The following CHRNG variants were observed in gnomAD, a reference collection of about 807,000 sequenced individuals.
CHRNG encodes the protein acetylcholine receptor subunit gamma.
Under a neutral mutation model 65.2 loss-of-function variants are expected in CHRNG, and 72 were observed. The ratio of observed to expected loss-of-function variants is 1.10; its 90% CI spans 0.91 to 1.34. The LOEUF is 1.34. Ranked by LOEUF, CHRNG falls within the 40% of genes most tolerant of loss-of-function variation. The pLI is 0.00. For synonymous variants in CHRNG, 284 were observed against 290.2 expected, an observed-to-expected ratio of 0.98 and a Z score of 0.22; for missense variants, 637 against 680.1, an observed-to-expected ratio of 0.94 and a Z score of 0.70.
At chr2:232,543,506 C>A in intron 8 of CHRNG, 79 bp from the exon 9 acceptor site, 2 of 1,103,926 alleles carry the variant, frequency 1.8e-6, no homozygotes, top group Non-Finnish European at 1.3e-6. Flanking sequence ...ATTCAGGAGG[C>A]CTGAGGGGGG....
At chr2:232,542,748 C>G in intron 6 of CHRNG, 134 bp from the exon 7 acceptor site, 1 of 791,862 alleles carries the variant, frequency 1.3e-6, no homozygotes, top group Non-Finnish European at 2.1e-6. Flanking sequence ...CACCCCACTT[C>G]TGTCCCTCAA....
Position 232,542,501 on chromosome 2 carries a change from T to C in CHRNG, c.585T>C (p.Ile195=). The change falls in exon 6 of 12, where the codon ATT becomes ATC. Residue 195 remains isoleucine, a synonymous_variant. Coordinates refer to ENST00000651502, the MANE Select transcript of CHRNG (RefSeq NM_005199.5). ...GCCAGACCATCGAGTGGATTTTCAT[T>C]GACCCTGAGGCCTTCACAGGTAACC... The part of the protein sequence containing the change: ...EDGQTIEWIF[I]DPEAFTENGE... The C allele has an allele frequency of 1.2e-6, 2 of 1,613,348 alleles. No individual in the cohort carries two copies. Among genetic ancestry groups the C allele is most frequent in the Non-Finnish European group, 1.7e-6 (2 of 1,179,356 alleles).
chr2:232,541,697 G>C lies in CHRNG; in HGVS notation c.506+168G>C. 1.3e-6 allele frequency: 1 copy of C among 780,892 alleles called. No individual in the cohort carries two copies. The highest frequency in any genetic ancestry group is 2.1e-6 in the Non-Finnish European group (1 of 471,550). 48.4% of individuals were successfully genotyped at this position (780,892 alleles called of 1,614,324 possible). ...CCATCTCAGGCTAAGACACCTGAAG[G>C]TGCCCAAGCTCTCCCTGCTAAGCCC... On this transcript the variant is annotated intron_variant, in intron 5 of 11. Transcript: ENST00000651502. This position sits in a 1 kb window ranked among gnomAD's most constrained non-coding sequence, Gnocchi z 4.0.
chr2:232,543,033 T>G lies in CHRNG; in HGVS notation c.756T>G (p.Cys252Trp). The change falls in exon 7 of 12, where the codon TGT (cysteine) becomes TGG (tryptophan). Residue 252 changes from cysteine to tryptophan, a missense_variant. By Grantham distance (215) the Cys-to-Trp change is radical. Transcript: ENST00000651502. ...ACGTCATCAACATCATCGCCCCCTGTGTGCTCATCTCCTCTGTCGCCATCC... is the reference window on the plus strand; with the variant it reads ...ACGTCATCAACATCATCGCCCCCTGGGTGCTCATCTCCTCTGTCGCCATCC... ...LFYVINIIAP[C>W]VLISSVAILI... is the part of the protein sequence containing the mutation. 1 of 1,614,246 alleles carries G rather than the reference T, an allele frequency of 6.2e-7. No homozygotes were observed. Among genetic ancestry groups the G allele is most frequent in the Non-Finnish European group, 8.5e-7 (1 of 1,180,042 alleles).
In CHRNG at chr2:232,540,434, C is replaced by T. The variant is rs773141326; in HGVS notation, c.240+9C>T. The T allele has an allele frequency of 4.3e-6, 7 of 1,613,562 alleles. No homozygotes were observed. In the Admixed American group the frequency reaches 1.2e-4, roughly 27 times the overall value. On this transcript the variant is annotated intron_variant, in intron 3 of 11. Coordinates refer to ENST00000651502, the MANE Select transcript of CHRNG (RefSeq NM_005199.5). This position sits in a 1 kb window ranked among gnomAD's most constrained non-coding sequence, Gnocchi z 4.2. Reference sequence around the variant, plus strand: ...ATGTCTGGATAGAGATGGTAAGAGGCCACCCTGCCACCCTCCTTCCATCAG... The same window carrying T: ...ATGTCTGGATAGAGATGGTAAGAGGTCACCCTGCCACCCTCCTTCCATCAG...
chr2:232,543,486 C>CT (rs909199985), intron 8 of CHRNG, 97 bp downstream of exon 8: 2 of 1,182,716 alleles, frequency 1.7e-6, no homozygotes, highest in Non-Finnish European at 2.4e-6. Flanking sequence ...ATCCACCCCC[C>CT]CCATCCTCAA....
chr2:232,540,568 G>C lies in CHRNG; in HGVS notation c.241-34G>C, dbSNP rs1441568511. On this transcript the variant is annotated intron_variant, in intron 3 of 11. Coordinates refer to ENST00000651502, the MANE Select transcript of CHRNG (RefSeq NM_005199.5). This position sits in a 1 kb window ranked among gnomAD's most constrained non-coding sequence, Gnocchi z 4.2. Reference sequence around the variant, plus strand: ...CTCCTAGGGCTGTGGTGCAGCAGAGGGCAGAGGCCTAGCAACTGCCCCTCC... The same window carrying C: ...CTCCTAGGGCTGTGGTGCAGCAGAGCGCAGAGGCCTAGCAACTGCCCCTCC... 1.2e-6 allele frequency: 2 copies of C among 1,605,708 alleles called. No homozygotes were observed. Among genetic ancestry groups the C allele is most frequent in the Non-Finnish European group, 1.7e-6 (2 of 1,177,586 alleles).
chr2:232,540,649 C>CCTGTGGGTG lies in CHRNG; in HGVS notation c.292_300dup (p.Trp98_Leu100dup), dbSNP rs1404744271. ...GCTGGGATCCGCGAGACTACGAAGG[C>CCTGTGGGTG]CTGTGGGTGCTGAGGGTGCCGTCCA... On this transcript the variant is annotated inframe_insertion, in exon 4 of 12. Coordinates refer to ENST00000651502, the MANE Select transcript of CHRNG (RefSeq NM_005199.5). The surrounding 1 kb of genome is among the most constrained non-coding windows in gnomAD (Gnocchi z 4.2). The CCTGTGGGTG allele has an allele frequency of 6.2e-6, 10 of 1,613,032 alleles. No individual in the cohort carries two copies. The highest frequency in any genetic ancestry group is 1.3e-5 in the African/African-American group (1 of 74,908).
In CHRNG at chr2:232,542,409, T is replaced by C. The variant is rs764059549; in HGVS notation, c.507-14T>C. The C allele has an allele frequency of 1.9e-6, 3 of 1,597,552 alleles. No individual in the cohort carries two copies. The highest frequency in any genetic ancestry group is 3.3e-5 in the Admixed American group (2 of 59,776). On this transcript the variant is annotated splice_polypyrimidine_tract_variant and intron_variant, in intron 5 of 11. Transcript: ENST00000651502. Reference sequence around the variant, plus strand: ...ACCCGCTCACATTTAGCCTCTTTCCTCGGTGACTCCCAGGTCCCAGACTTA... The same window carrying C: ...ACCCGCTCACATTTAGCCTCTTTCCCCGGTGACTCCCAGGTCCCAGACTTA...
Position 232,540,595 on chromosome 2 carries a change from C to G in CHRNG, c.241-7C>G. Reference sequence around the variant, plus strand: ...CAGAGGCCTAGCAACTGCCCCTCCCCCTGCAGCAGTGGTGCGACTATCGCC... The same window carrying G: ...CAGAGGCCTAGCAACTGCCCCTCCCGCTGCAGCAGTGGTGCGACTATCGCC... On this transcript the variant is annotated splice_polypyrimidine_tract_variant and splice_region_variant and intron_variant, in intron 3 of 11. Transcript: ENST00000651502. This position sits in a 1 kb window ranked among gnomAD's most constrained non-coding sequence, Gnocchi z 4.2. The G allele has an allele frequency of 6.2e-7, 1 of 1,610,540 alleles. No homozygotes were observed. Among genetic ancestry groups the G allele is most frequent in the Middle Eastern group, 1.7e-4 (1 of 6,016 alleles).
chr2:232,545,524 A>C lies in CHRNG; in HGVS notation c.1381-19A>C. The stretch of plus-strand genomic sequence containing the variant: ...CTGGTGCCGCCGCTGGTTATCCCAC[A>C]CCTGCCTCCCACCCTCAGGGGAATG... On this transcript the variant is annotated intron_variant, in intron 11 of 11. Coordinates refer to ENST00000651502, the MANE Select transcript of CHRNG (RefSeq NM_005199.5). The C allele has an allele frequency of 6.2e-7, 1 of 1,612,146 alleles. No homozygotes were observed. Among genetic ancestry groups the C allele is most frequent in the Non-Finnish European group, 8.5e-7 (1 of 1,179,434 alleles).
intron 8 of CHRNG, 92 bp downstream of exon 8, chr2:232,543,481 C>CCCCA: frequency 2.0e-6 from 2 of 984,920 alleles, no homozygotes; most frequent in South Asian, 2.9e-5. Flanking sequence ...CCTCCATCCA[C>CCCCA]CCCCCCCATC....
In CHRNG at chr2:232,542,875, C is replaced by T. The variant is rs184315065; in HGVS notation, c.605-7C>T. The T allele has an allele frequency of 7.4e-6, 12 of 1,611,626 alleles. No individual in the cohort carries two copies. The East Asian group carries it at 2.5e-4, about 33-fold the overall frequency. ...GTGCCCACTCCTGCCTGCCTGCCTG[C>T]CCGCAGAGAATGGGGAGTGGGCCAT... On this transcript the variant is annotated splice_region_variant and splice_polypyrimidine_tract_variant and intron_variant, in intron 6 of 11. Coordinates refer to ENST00000651502, the MANE Select transcript of CHRNG (RefSeq NM_005199.5).
rs1182507062 is a variant in CHRNG at position 232,539,758 on chromosome 2, G to C, written c.11G>C (p.Gly4Ala). MHG[G>A]QGPLLLLLLL... ...GAGAGCTGAGGCACCATGCATGGGGGCCAGGGGCCGCTGCTCCTCCTGCTG... is the reference window on the plus strand; with the variant it reads ...GAGAGCTGAGGCACCATGCATGGGGCCCAGGGGCCGCTGCTCCTCCTGCTG... Residue 4 changes from glycine to alanine, a missense_variant, in exon 1 of 12, where the codon GGC becomes GCC. By Grantham distance (60) the Gly-to-Ala change is moderately conservative (BLOSUM62 0). Transcript: ENST00000651502. 3.7e-6 allele frequency: 6 copies of C among 1,613,896 alleles called. No individual in the cohort carries two copies. The East Asian group carries it at 1.3e-4, about 36-fold the overall frequency.
rs1443783919 is a variant in CHRNG, at chr2:232,547,023, C to T, written c.*1307C>T. 6.6e-6 allele frequency among the ~76,000 whole-genome samples: 1 copy of T among 152,200 alleles called. No homozygotes were observed. The highest frequency in any genetic ancestry group is 2.4e-5 in the African/African-American group (1 of 41,460). ...CTGCTCTGAGATTACAGCCGGCACA[C>T]GAGTTTGGCTGGTAACCAGGGGACA... On this transcript the variant is annotated 3_prime_UTR_variant, in exon 12 of 12. Transcript: ENST00000651502.
Position 232,548,040 on chromosome 2 carries a change from C to T in CHRNG, c.*2324C>T. On this transcript the variant is annotated 3_prime_UTR_variant, in exon 12 of 12. Coordinates refer to ENST00000651502, the MANE Select transcript of CHRNG (RefSeq NM_005199.5). ...CTGTAGACCAGCAAGAGTGCAATAG[C>T]ATTGTCTAATAAAACAATATACATA... 1 of 558,880 alleles carries T rather than the reference C, an allele frequency of 1.8e-6. No individual in the cohort carries two copies. Among genetic ancestry groups the T allele is most frequent in the East Asian group, 3.0e-5 (1 of 33,064 alleles). 34.6% of individuals were successfully genotyped at this position (558,880 alleles called of 1,614,324 possible).
At chr2:232,544,617 C>A in intron 10 of CHRNG, 37 bp downstream of exon 10, 1 of 1,591,274 alleles carries the variant, frequency 6.3e-7, no homozygotes, top group South Asian at 1.1e-5. Context: ...ACAGTCCTCC[C>A]CTGGGACCCC....
rs372312127 is a variant in CHRNG, at chr2:232,540,723, G to A, written c.350+12G>A. The A allele has an allele frequency of 1.2e-4, 192 of 1,605,526 alleles. No individual in the cohort carries two copies. Among genetic ancestry groups the A allele is most frequent in the Non-Finnish European group, 1.5e-4 (180 of 1,176,324 alleles). On this transcript the variant is annotated intron_variant, in intron 4 of 11. Transcript: ENST00000651502. The surrounding 1 kb of genome is among the most constrained non-coding windows in gnomAD (Gnocchi z 4.2). ...GTGCTGGAGAACAAGTGAGGAGGGGGTGCAGGCAGGGGTGTGGGGGACAAA... is the reference window on the plus strand; with the variant it reads ...GTGCTGGAGAACAAGTGAGGAGGGGATGCAGGCAGGGGTGTGGGGGACAAA...
intron 11 of CHRNG, 68 bp downstream of exon 11, chr2:232,544,970 A>G: frequency 6.2e-7 from 1 of 1,603,436 alleles, no homozygotes; most frequent in South Asian, 1.1e-5. Flanking sequence ...TAGAGACAGG[A>G]TGAGTGGGGT....
Sources: gnomAD v4.1 joint callset for allele counts (sites outside exome capture counted in the v4.1 genomes callset) on GRCh38, gnomAD v4.1.1 for gene constraint, Gnocchi (gnomAD v3.1) non-coding constraint, MANE v1.5 for transcripts, NCBI Gene and HGNC (gene_info 2026-07-23, HGNC 2026-07-21) for gene names.